PLB1: variants seen among roughly 807,000 people sequenced by gnomAD.
PLB1 encodes phospholipase B1, membrane-associated.
Under a neutral mutation model 227.4 loss-of-function variants are expected in PLB1, and 242 were observed. That is an observed-to-expected ratio of 1.06 (90% CI 0.96 to 1.18). PLB1 has a LOEUF of 1.18. Among genes scored for constraint, PLB1 ranks in the 50% most tolerant of loss-of-function variants. The pLI is 0.00. For missense variants in PLB1, 1,858 were observed against 1,816.3 expected, an observed-to-expected ratio of 1.02 and a Z score of -0.42; for synonymous variants, 757 against 682.2, an observed-to-expected ratio of 1.11 and a Z score of -1.71.
intron 13 of PLB1, 72 bp downstream of exon 13, chr2:28,541,883 A>G: frequency 7.7e-7 from 1 of 1,297,290 alleles, no homozygotes; most frequent in Non-Finnish European, 1.1e-6. Context: ...CTGTAATCCC[A>G]GCACTTTGGG....
intron 37 of PLB1, 135 bp from the exon 38 acceptor site, chr2:28,601,764 G>T: frequency 2.7e-6 from 2 of 754,516 alleles, no homozygotes; most frequent in Non-Finnish European, 4.6e-6. Flanking sequence ...ATTTTGACAT[G>T]GTGAGCTGGC....
intron 19 of PLB1, among the ~76,000 whole-genome samples, 167 bp downstream of exon 19, chr2:28,565,520 A>C (rs1171315735): frequency 6.6e-6 from 1 of 151,804 alleles, no homozygotes; most frequent in Middle Eastern, 3.2e-3. Flanking sequence ...CAGCCTCCTC[A>C]AACCACTACA....
At chr2:28,642,631 G>T (rs1421493517) in intron 57 of PLB1, among the ~76,000 whole-genome samples, 2 of 152,206 alleles carry the variant, frequency 1.3e-5, no homozygotes, top group Non-Finnish European at 2.9e-5. Flanking sequence ...GGAAACGCTG[G>T]TGAGAAACCA....
At chr2:28,525,855 C>A in intron 5 of PLB1, 50 bp from the exon 6 acceptor site, 1 of 1,606,170 alleles carries the variant, frequency 6.2e-7, no homozygotes, top group African/African-American at 1.3e-5. Context: ...GGGCTATTGG[C>A]AGGTGACACA....
intron 33 of PLB1, chr2:28,596,047 A>G (rs1682854240): frequency 6.6e-6 from 1 of 152,190 alleles, no homozygotes; most frequent in Non-Finnish European, 1.5e-5. Flanking sequence ...TCAAAATAAA[A>G]TTTACTTACC....
chr2:28,499,611 C>T (rs952444872), intron 1 of PLB1, among the ~76,000 whole-genome samples: 1 of 151,122 alleles, frequency 6.6e-6, no homozygotes, highest in Non-Finnish European at 1.5e-5. Flanking sequence ...TTAAGCTGGA[C>T]GTGGTGGCTC....
At chr2:28,574,331 C>A (rs1678520392) in intron 21 of PLB1, among the ~76,000 whole-genome samples, 1 of 48,720 alleles carries the variant, frequency 2.1e-5, no homozygotes, top group Non-Finnish European at 5.3e-5. Context: ...AATCTTTAAT[C>A]CCTCACCCCC....
At position 28,563,076 on chromosome 2, in the gene PLB1, G is replaced by T; in HGVS notation, c.1183G>T (p.Gly395Ter). The T allele has an allele frequency of 6.2e-7, 1 of 1,613,776 alleles. No individual in the cohort carries two copies. The highest frequency in any genetic ancestry group is 8.5e-7 in the Non-Finnish European group (1 of 1,179,768). Residue 395 changes from glycine (G) to a stop codon, truncating the protein, a stop_gained, in exon 18 of 58, where the codon GGA becomes TGA. Coordinates refer to ENST00000327757, the MANE Select transcript of PLB1 (RefSeq NM_153021.5). LOFTEE classifies it high-confidence loss of function. ...RLKPADINVI[G>*]ALGDSLTAGN... ...GAAGCCGGCTGACATCAACGTAATTGGAGCCCTGGGTGACTCTCTCACGGT... is the reference window on the plus strand; with the variant it reads ...GAAGCCGGCTGACATCAACGTAATTTGAGCCCTGGGTGACTCTCTCACGGT...
At chr2:28,612,601 G>C (rs1685614556) in intron 43 of PLB1, among the ~76,000 whole-genome samples, 1 of 149,562 alleles carries the variant, frequency 6.7e-6, no homozygotes, top group Admixed American at 6.6e-5. Flanking sequence ...CCAACATTCT[G>C]GTTTTCCCTT....
At chr2:28,558,404 T>A (rs1334209846) in intron 17 of PLB1, among the ~76,000 whole-genome samples, 1 of 152,228 alleles carries the variant, frequency 6.6e-6, no homozygotes, top group Admixed American at 6.5e-5. Flanking sequence ...TTGACTGTTA[T>A]CACCAGAAGC....
chr2:28,506,858 C>G (rs1423979116), intron 1 of PLB1, among the ~76,000 whole-genome samples: 1 of 152,176 alleles, frequency 6.6e-6, no homozygotes, highest in Non-Finnish European at 1.5e-5. Flanking sequence ...AAGTGCTTTT[C>G]TTCAAGCCTT....
intron 14 of PLB1, 83 bp from the exon 15 acceptor site, chr2:28,548,777 C>G: frequency 1.5e-6 from 2 of 1,326,386 alleles, no homozygotes; most frequent in Non-Finnish European, 2.2e-6. Context: ...TGCTGCTGGA[C>G]TAATGAGTCT....
At chr2:28,575,282 T>A (rs1678740520) in intron 21 of PLB1, among the ~76,000 whole-genome samples, 1 of 152,234 alleles carries the variant, frequency 6.6e-6, no homozygotes, top group South Asian at 2.1e-4. Flanking sequence ...TGAGCATTTT[T>A]TAATGTTTGT....
intron 57 of PLB1, among the ~76,000 whole-genome samples, chr2:28,642,456 C>G (rs1199798642): frequency 6.6e-6 from 1 of 152,198 alleles, no homozygotes; most frequent in Non-Finnish European, 1.5e-5. Flanking sequence ...ACCAGCTGTC[C>G]TTCCATGCTG....
rs1684585258 is a variant in PLB1 at position 28,605,778 on chromosome 2, C to G, written c.2962-75C>G. On this transcript the variant is annotated intron_variant, in intron 41 of 57. Coordinates refer to ENST00000327757, the MANE Select transcript of PLB1 (RefSeq NM_153021.5). Reference sequence around the variant, plus strand: ...GGAAGGAAGGTGTTGAGTGGTCAGTCCCAGGGCCAAGTCCGCTGGTGGTGG... The same window carrying G: ...GGAAGGAAGGTGTTGAGTGGTCAGTGCCAGGGCCAAGTCCGCTGGTGGTGG... 2 of 1,250,658 alleles carry G rather than the reference C, an allele frequency of 1.6e-6. 1 individual carries two copies. Among genetic ancestry groups the G allele is most frequent in the East Asian group, 4.6e-5 (2 of 43,206 alleles). The allele number at this position is 1,250,658 out of a possible 1,614,324, so 77.5% of individuals were successfully genotyped here. A position where few individuals can be genotyped will look rare whatever the true frequency, so the allele number is the denominator to read the frequency against.
chr2:28,523,346 T>G (rs1057145012), intron 4 of PLB1, among the ~76,000 whole-genome samples: 1 of 151,284 alleles, frequency 6.6e-6, no homozygotes, highest in African/African-American at 2.4e-5. Flanking sequence ...TTTTTTTTTT[T>G]TTTTTTTTTT....
intron 56 of PLB1, among the ~76,000 whole-genome samples, chr2:28,638,901 GA>G (rs1346364758): frequency 6.7e-6 from 1 of 149,162 alleles, no homozygotes; most frequent in Non-Finnish European, 1.5e-5. Context: ...TGTCTCTACT[GA>G]AAATACAAAA....
In PLB1 at chr2:28,512,671, G is replaced by GT. The variant is rs112277432; in HGVS notation, c.56-4128dup. ...AGCTAACCACTGATGTCTTTGCTCA[G>GT]TTTTTTTTTCTTTCTTCTTTTTTTT... is the stretch of plus-strand genomic sequence containing the variant. On this transcript the variant is annotated intron_variant, in intron 1 of 57. Transcript: ENST00000327757. 5.8e-3 allele frequency among the ~76,000 whole-genome samples: 861 copies of GT among 148,500 alleles called. 8 individuals are homozygous for GT. The highest frequency in any genetic ancestry group is 0.02 in the African/African-American group (809 of 40,178).
At chr2:28,519,614 G>A in intron 3 of PLB1, 91 bp from the exon 4 acceptor site, 2 of 948,932 alleles carry the variant, frequency 2.1e-6, no homozygotes, top group Non-Finnish European at 1.7e-6. Context: ...AGGGGCTGGG[G>A]AATGTGAGTC....
Sources: allele counts gnomAD v4.1 joint callset (sites outside exome capture counted in the v4.1 genomes callset), GRCh38; gene constraint gnomAD v4.1.1; transcripts MANE v1.5; gene names NCBI Gene and HGNC (gene_info 2026-07-23, HGNC 2026-07-21).